Variants in CNTN6 observed in about 807,000 individuals in gnomAD.
The protein encoded by CNTN6 is contactin-6.
CNTN6 carries 137 observed loss-of-function variants against 122.8 expected under a neutral mutation model. The observed-to-expected ratio is 1.12, with a 90% CI of 0.97 to 1.29. The LOEUF is 1.29. CNTN6 is among the 50% of genes most tolerant of loss of function. CNTN6 has a pLI of 0.00. For missense variants in CNTN6, 1,634 were observed against 1,223.4 expected, an observed-to-expected ratio of 1.34 and a Z score of -5.01; for synonymous variants, 570 against 426.0, an observed-to-expected ratio of 1.34 and a Z score of -4.16.
chr3:1,253,062 C>G (rs2094696245), intron 4 of CNTN6, among the ~76,000 whole-genome samples: 1 of 152,258 alleles, frequency 6.6e-6, no homozygotes, highest in South Asian at 2.1e-4. Flanking sequence ...GTGTTCTAAT[C>G]TAGTTAATTT....
chr3:1,399,173 T>C (rs191648454), intron 20 of CNTN6, among the ~76,000 whole-genome samples: 2 of 152,262 alleles, frequency 1.3e-5, no homozygotes, highest in Admixed American at 6.5e-5. Context: ...GTATTGATTA[T>C]ATAATGGTAA....
intron 4 of CNTN6, among the ~76,000 whole-genome samples, chr3:1,265,629 C>T (rs150390310): frequency 1.3e-5 from 2 of 152,208 alleles, no homozygotes; most frequent in African/African-American, 2.4e-5. Context: ...TTCTAAGAGT[C>T]CTTCAGCATT....
At position 1,268,290 on chromosome 3, in the gene CNTN6, G is replaced by A. The variant is rs148944477; in HGVS notation, c.359-10123G>A. On this transcript the variant is annotated intron_variant, in intron 4 of 22. Coordinates refer to ENST00000446702, the MANE Select transcript of CNTN6 (RefSeq NM_001289080.2). ...CCATCAGTCTAACAACTTGTGTCAA[G>A]TTGGAGAAACATTCTCTGGCATAAA... Among the ~76,000 whole-genome samples the A allele has an allele frequency of 5.3e-5, 8 of 152,290 alleles. No homozygotes were observed. In the East Asian group the frequency reaches 1.5e-3, roughly 29 times the overall value.
chr3:1,120,416 T>C (rs1172370104), intron 1 of CNTN6, among the ~76,000 whole-genome samples: 1 of 152,008 alleles, frequency 6.6e-6, no homozygotes, highest in Non-Finnish European at 1.5e-5. Flanking sequence ...AAGTGCTATA[T>C]CTCATTGTAG....
At position 1,373,965 on chromosome 3, in the gene CNTN6, G is replaced by T; in HGVS notation, c.1987G>T (p.Val663Phe). The T allele has an allele frequency of 6.2e-7, 1 of 1,613,126 alleles. No individual in the cohort carries two copies. The highest frequency in any genetic ancestry group is 1.3e-5 in the African/African-American group (1 of 74,956). ...TGGTAAGACATACAATGCAACAGTG[G>T]TTGGTTTGAGTCCTTGGGTGGAATA... ...LNGKTYNATV[V>F]GLSPWVEYEF... Residue 663 changes from valine (V) to phenylalanine (F), a missense_variant, in exon 16 of 23, where the codon GTT becomes TTT. By Grantham distance (50) the Val-to-Phe change is conservative. Transcript: ENST00000446702.
chr3:1,224,739 C>G (rs1274328350), intron 3 of CNTN6, among the ~76,000 whole-genome samples: 1 of 151,778 alleles, frequency 6.6e-6, no homozygotes, highest in Non-Finnish European at 1.5e-5. Context: ...AGCCCACAAC[C>G]ATTATTCTTT....
intron 20 of CNTN6, among the ~76,000 whole-genome samples, chr3:1,388,262 C>A (rs545296489): frequency 2.0e-5 from 3 of 149,218 alleles, no homozygotes; most frequent in South Asian, 4.3e-4. Context: ...CCCCTGACCC[C>A]CGAGCAGCCT....
At chr3:1,376,548 C>A (rs1299855959) in intron 16 of CNTN6, among the ~76,000 whole-genome samples, 3 of 151,910 alleles carry the variant, frequency 2.0e-5, no homozygotes, top group Non-Finnish European at 4.4e-5. Context: ...ACATATTTTT[C>A]AGTATTTAAT....
chr3:1,349,777 G>T (rs1167320396), intron 11 of CNTN6, among the ~76,000 whole-genome samples: 1 of 151,420 alleles, frequency 6.6e-6, no homozygotes, highest in Non-Finnish European at 1.5e-5. Context: ...CAATGATCAG[G>T]TTGTTTAATT....
At chr3:1,180,084 G>T (rs553886464) in intron 2 of CNTN6, among the ~76,000 whole-genome samples, 39 of 152,228 alleles carry the variant, frequency 2.6e-4, no homozygotes, top group African/African-American at 8.2e-4. Context: ...TGCTGAGAGT[G>T]GGCATAATAC....
At chr3:1,369,666 A>G (rs1460599074) in intron 12 of CNTN6, among the ~76,000 whole-genome samples, 1 of 152,156 alleles carries the variant, frequency 6.6e-6, no homozygotes, top group Non-Finnish European at 1.5e-5. Flanking sequence ...TCTGAAAATT[A>G]CTTTAATTGC....
At chr3:1,109,798 G>A (rs2091396015) in intron 1 of CNTN6, among the ~76,000 whole-genome samples, 1 of 152,030 alleles carries the variant, frequency 6.6e-6, no homozygotes, top group Admixed American at 6.6e-5. Context: ...CATATTTTGT[G>A]TGTGTATACA....
At chr3:1,190,587 G>A (rs368715782) in intron 2 of CNTN6, among the ~76,000 whole-genome samples, 12 of 152,260 alleles carry the variant, frequency 7.9e-5, no homozygotes, top group African/African-American at 2.4e-4. Context: ...CCTTGCAGAG[G>A]AGAGTTTAAG....
At chr3:1,335,691 T>C (rs567233094) in intron 11 of CNTN6, among the ~76,000 whole-genome samples, 1 of 152,152 alleles carries the variant, frequency 6.6e-6, no homozygotes, top group East Asian at 1.9e-4. Flanking sequence ...AACAAAGAGA[T>C]GGAGAAAAGA....
chr3:1,345,089 T>C (rs1704468790), intron 11 of CNTN6, among the ~76,000 whole-genome samples: 2 of 152,090 alleles, frequency 1.3e-5, no homozygotes, highest in Non-Finnish European at 2.9e-5. Context: ...TATCAGATGT[T>C]CTCTGTGTTT....
At chr3:1,254,204 C>A (rs528216851) in intron 4 of CNTN6, among the ~76,000 whole-genome samples, 1 of 152,090 alleles carries the variant, frequency 6.6e-6, no homozygotes, top group Non-Finnish European at 1.5e-5. Context: ...TCCCTCCCTT[C>A]CCAGAAGTAA....
At chr3:1,377,157 T>C (rs1205180360) in intron 17 of CNTN6, 82 bp downstream of exon 17, 21 of 935,952 alleles carry the variant, frequency 2.2e-5, no homozygotes, top group Non-Finnish European at 3.3e-5. Context: ...AAAGATTTAT[T>C]TGATCACTAT....
intron 12 of CNTN6, 143 bp from the exon 13 acceptor site, chr3:1,372,155 AG>A (rs1322966526): frequency 5.5e-5 from 28 of 511,500 alleles, no homozygotes; most frequent in Non-Finnish European, 9.2e-5. Context: ...AAACAGGCAA[AG>A]GAATATTTCA....
rs1048888154 is a variant in CNTN6, at chr3:1,404,182, G to A, written c.*764G>A. On this transcript the variant is annotated 3_prime_UTR_variant, in exon 23 of 23. Transcript: ENST00000446702. ...TGACAAGTTGATTGCAATGTATGTG[G>A]CCTTATTTTTATAATAAAACAATGT... 2 of 152,116 alleles carry A rather than the reference G, an allele frequency of 1.3e-5. No homozygotes were observed. The highest frequency in any genetic ancestry group is 4.8e-5 in the African/African-American group (2 of 41,418). The allele number at this position is 152,116 out of a possible 1,614,324, so 9.4% of individuals were successfully genotyped here.
Sources: allele counts gnomAD v4.1 joint callset (sites outside exome capture counted in the v4.1 genomes callset), GRCh38; gene constraint gnomAD v4.1.1; transcripts MANE v1.5; gene names NCBI Gene and HGNC (gene_info 2026-07-23, HGNC 2026-07-21).